The following SLC10A3 variants were observed in gnomAD, a reference collection of about 807,000 sequenced individuals.
SLC10A3 encodes solute carrier family 10 member 3.
SLC10A3 carries 1 observed loss-of-function variant against 1.9 expected under a neutral mutation model. The observed-to-expected ratio is 0.52, with a 90% CI of 0.19 to 2.48. The LOEUF is 2.48. Among genes scored for constraint, SLC10A3 ranks in the 30% most tolerant of loss-of-function variants. SLC10A3 has a pLI of 0.25. For synonymous variants in SLC10A3, 202 were observed against 189.3 expected (o/e 1.07, Z -0.55); for missense variants, 317 against 398.5 (o/e 0.80, Z 1.74).
In SLC10A3 at chrX:154,487,918, C is replaced by G; in HGVS notation, c.1023G>C (p.Lys341Asn). The change falls in exon 2 of 2, where the codon AAG (lysine) becomes AAC (asparagine). Residue 341 changes from lysine (K) to asparagine (N), a missense_variant. By Grantham distance (94) the Lys-to-Asn change is moderately conservative (BLOSUM62 0). Coordinates refer to ENST00000651600, the MANE Select transcript of SLC10A3 (RefSeq NM_019848.5). ...GCTGGGAGAACTTGGGGAGCTTGGACTTGATCAGCACGCCCACGGCTATGG... is the reference window on the plus strand; with the variant it reads ...GCTGGGAGAACTTGGGGAGCTTGGAGTTGATCAGCACGCCCACGGCTATGG... ...AIPIAVGVLIKSKLPKFSQLL... is the reference protein window; with the variant it reads ...AIPIAVGVLINSKLPKFSQLL... The G allele has an allele frequency of 1.7e-6, 2 of 1,211,645 alleles. No homozygotes were observed. Among genetic ancestry groups the G allele is most frequent in the Non-Finnish European group, 2.2e-6 (2 of 895,602 alleles).
chrX:154,487,867 G>A lies in SLC10A3; in HGVS notation c.1074C>T (p.Phe358=), dbSNP rs782562525. Residue 358 remains phenylalanine (F), a synonymous_variant, in exon 2 of 2, where the codon TTC becomes TTT. Transcript: ENST00000651600. ...GGCCGCCCAGGAGGAGCACAAAGCT[G>A]AAGGGCTTGACGACCTGCAGCAGCA... The part of the protein sequence containing the change: ...SQLLLQVVKP[F]SFVLLLGGLF... 2.5e-6 allele frequency: 3 copies of A among 1,211,604 alleles called. No homozygotes were observed. Among genetic ancestry groups the A allele is most frequent in the Non-Finnish European group, 3.3e-6 (3 of 895,618 alleles).
Position 154,487,954 on chromosome X carries a change from G to A in SLC10A3, c.987C>T (p.Phe329=). The A allele has an allele frequency of 1.7e-6, 2 of 1,211,602 alleles. No homozygotes were observed. Among genetic ancestry groups the A allele is most frequent in the Non-Finnish European group, 2.2e-6 (2 of 895,446 alleles). Residue 329 remains phenylalanine (F), a synonymous_variant, in exon 2 of 2, where the codon TTC becomes TTT. Transcript: ENST00000651600. ...CGCCCACGGCTATGGGGATGGCAATGAACAGCAGGGTCCCCAGGATCTTGG... is the reference window on the plus strand; with the variant it reads ...CGCCCACGGCTATGGGGATGGCAATAAACAGCAGGGTCCCCAGGATCTTGG... ...PISKILGTLL[F]IAIPIAVGVL... is the part of the protein sequence containing the mutation.
intron 1 of SLC10A3, 52 bp downstream of exon 1, chrX:154,490,255 A>C: frequency 1.2e-6 from 1 of 855,637 alleles, no homozygotes; most frequent in Non-Finnish European, 1.4e-6. Flanking sequence ...GCCCTTCCAA[A>C]ACGGCCAAGT....
At position 154,490,497 on chromosome X, in the gene SLC10A3, C is replaced by A; in HGVS notation, c.-333G>T. On this transcript the variant is annotated 5_prime_UTR_variant, in exon 1 of 2. Coordinates refer to ENST00000651600, the MANE Select transcript of SLC10A3 (RefSeq NM_019848.5). ...AGGCCTCGCAAACGCGCGGCGGCGG[C>A]GGCGGCCCTTCCCTGCCAGGCCCGG... 5.4e-6 allele frequency: 2 copies of A among 368,657 alleles called. No individual in the cohort carries two copies. Among genetic ancestry groups the A allele is most frequent in the Non-Finnish European group, 7.0e-6 (2 of 286,898 alleles). The allele number at this position is 368,657 out of a possible 1,213,427, so 30.4% of individuals were successfully genotyped here. A position where few individuals can be genotyped will look rare whatever the true frequency, so the allele number is the denominator to read the frequency against.
chrX:154,487,428 G>T lies in SLC10A3; in HGVS notation c.*79C>A, dbSNP rs2069313342. ...AAAATCAGTAAAAAAAATAAGCCTGGATTTTTCTGAGTGCATAGTGCATGA... is the reference window on the plus strand; with the variant it reads ...AAAATCAGTAAAAAAAATAAGCCTGTATTTTTCTGAGTGCATAGTGCATGA... On this transcript the variant is annotated 3_prime_UTR_variant, in exon 2 of 2. Transcript: ENST00000651600. 1 of 1,117,670 alleles carries T rather than the reference G, an allele frequency of 8.9e-7. No individual in the cohort carries two copies. Among genetic ancestry groups the T allele is most frequent in the African/African-American group, 1.8e-5 (1 of 54,647 alleles). 92.1% of individuals were successfully genotyped at this position (1,117,670 alleles called of 1,213,427 possible). A position where few individuals can be genotyped will look rare whatever the true frequency, so the allele number is the denominator to read the frequency against.
Position 154,488,964 on chromosome X carries a change from C to T in SLC10A3, c.-24G>A, listed in dbSNP as rs188873885. ...ATGGCTCTTCCTGGAGGACGGATGG[C>T]GTGCCCAGGCCCTCTGCGGCTTAGG... On this transcript the variant is annotated 5_prime_UTR_variant, in exon 2 of 2. Coordinates refer to ENST00000651600, the MANE Select transcript of SLC10A3 (RefSeq NM_019848.5). The T allele has an allele frequency of 3.1e-3, 3,713 of 1,185,764 alleles. 24 individuals are homozygous for T. Among genetic ancestry groups the T allele is most frequent in the Non-Finnish European group, 2.7e-3 (2,401 of 882,604 alleles).
rs1557213659 is a variant in SLC10A3, at chrX:154,488,241, A to G, written c.700T>C (p.Phe234Leu). 8.3e-7 allele frequency: 1 copy of G among 1,210,951 alleles called. No homozygotes were observed. The highest frequency in any genetic ancestry group is 1.1e-6 in the Non-Finnish European group (1 of 895,299). The part of the protein sequence containing the change: ...QPMLLGLLGQ[F>L]LVMPLYAFLM... ...AAAGCGTACAAGGGCATGACCAGAA[A>G]CTGGCCCAGGAGGCCCAGCAGCATG... The change falls in exon 2 of 2, where the codon TTT becomes CTT. Residue 234 changes from phenylalanine (F) to leucine (L), a missense_variant. Transcript: ENST00000651600.
chrX:154,487,344 G>C lies in SLC10A3; in HGVS notation c.*163C>G. 1.6e-6 allele frequency: 1 copy of C among 626,123 alleles called. No homozygotes were observed. Among genetic ancestry groups the C allele is most frequent in the Non-Finnish European group, 2.4e-6 (1 of 411,426 alleles). 51.6% of individuals were successfully genotyped at this position (626,123 alleles called of 1,213,427 possible). On this transcript the variant is annotated 3_prime_UTR_variant, in exon 2 of 2. Transcript: ENST00000651600. ...CTCTTTTATTGAAATATATTTTCTGGGCAGCGCCCACCTACCTAACTCAGC... is the reference window on the plus strand; with the variant it reads ...CTCTTTTATTGAAATATATTTTCTGCGCAGCGCCCACCTACCTAACTCAGC...
chrX:154,489,740 C>T (rs1409845622), intron 1 of SLC10A3: 2 of 752,338 alleles, frequency 2.7e-6, no homozygotes, highest in South Asian at 6.8e-5. Context: ...GCCTCATGCA[C>T]TGTTGTGTCC....
Position 154,488,277 on chromosome X carries a change from T to C in SLC10A3, c.664A>G (p.Ser222Gly). ...ELEVLKGLMQ[S>G]PQPMLLGLLG... ...AGGCCCAGCAGCATGGGCTGGGGGC[T>C]CTGCATGAGCCCCTTCAGAACCTCG... Residue 222 changes from serine (S) to glycine (G), a missense_variant, in exon 2 of 2, where the codon AGC (serine) becomes GGC (glycine). Coordinates refer to ENST00000651600, the MANE Select transcript of SLC10A3 (RefSeq NM_019848.5). 8.3e-7 allele frequency: 1 copy of C among 1,211,068 alleles called. No individual in the cohort carries two copies. Among genetic ancestry groups the C allele is most frequent in the East Asian group, 3.0e-5 (1 of 33,841 alleles).
At position 154,488,018 on chromosome X, in the gene SLC10A3, C is replaced by T. The variant is rs2069326836; in HGVS notation, c.923G>A (p.Arg308His). 3 of 1,211,270 alleles carry T rather than the reference C, an allele frequency of 2.5e-6. No homozygotes were observed. Among genetic ancestry groups the T allele is most frequent in the South Asian group, 1.8e-5 (1 of 56,981 alleles). The part of the protein sequence containing the change: ...FLPLSSAIYS[R>H]LLSIHETLHV... ...GAGCGTCTCATGGATGCTGAGCAGGCGGCTGTAGATGGCCGAAGACAGAGG... is the reference window on the plus strand; with the variant it reads ...GAGCGTCTCATGGATGCTGAGCAGGTGGCTGTAGATGGCCGAAGACAGAGG... The change falls in exon 2 of 2, where the codon CGC becomes CAC. Residue 308 changes from arginine (R) to histidine (H), a missense_variant. Coordinates refer to ENST00000651600, the MANE Select transcript of SLC10A3 (RefSeq NM_019848.5).
Position 154,490,503 on chromosome X carries a change from C to CGGCGG in SLC10A3, c.-340_-339insCCGCC. ...CGCAAACGCGCGGCGGCGGCGGCGG[C>CGGCGG]CCTTCCCTGCCAGGCCCGGCCGGGC... On this transcript the variant is annotated 5_prime_UTR_variant, in exon 1 of 2. Transcript: ENST00000651600. 3.1e-6 allele frequency: 1 copy of CGGCGG among 318,300 alleles called. No individual in the cohort carries two copies. Among genetic ancestry groups the CGGCGG allele is most frequent in the Non-Finnish European group, 4.2e-6 (1 of 240,668 alleles). 26.2% of individuals were successfully genotyped at this position (318,300 alleles called of 1,213,427 possible).
Position 154,488,493 on chromosome X carries a change from C to T in SLC10A3, c.448G>A (p.Val150Met), listed in dbSNP as rs782173483. The change falls in exon 2 of 2, where the codon GTG becomes ATG. Residue 150 changes from valine (V) to methionine (M), a missense_variant. Transcript: ENST00000651600. ...GTGGGCGGGGCCTCATGGGCGTCCACGAGCTGGATGTGGAGTGGGGCCAGC... is the reference window on the plus strand; with the variant it reads ...GTGGGCGGGGCCTCATGGGCGTCCATGAGCTGGATGTGGAGTGGGGCCAGC... ...AGLAPLHIQL[V>M]DAHEAPPTLI... is the part of the protein sequence containing the mutation. The T allele has an allele frequency of 3.3e-6, 4 of 1,208,521 alleles. No homozygotes were observed. The African/African-American group carries it at 7.0e-5, about 21-fold the overall frequency.
In SLC10A3 at chrX:154,490,349, G is replaced by C. The variant is rs1161352128; in HGVS notation, c.-185C>G. On this transcript the variant is annotated 5_prime_UTR_variant, in exon 1 of 2. Transcript: ENST00000651600. The stretch of plus-strand genomic sequence containing the variant: ...GTCGGACGGGTGGCTAGCAGAGCTC[G>C]GGCGCGAACCTGGGAGGGAGGAAAG... 46 of 764,731 alleles carry C rather than the reference G, an allele frequency of 6.0e-5. No individual in the cohort carries two copies. Among genetic ancestry groups the C allele is most frequent in the Admixed American group, 8.4e-5 (1 of 11,836 alleles). 63.0% of individuals were successfully genotyped at this position (764,731 alleles called of 1,213,427 possible). A position where few individuals can be genotyped will look rare whatever the true frequency, so the allele number is the denominator to read the frequency against.
intron 1 of SLC10A3, chrX:154,489,567 T>TA: frequency 1.3e-6 from 1 of 754,337 alleles, no homozygotes; most frequent in Non-Finnish European, 1.6e-6. Context: ...CATGCGCCCC[T>TA]ACCAGAGCCT....
In SLC10A3 at chrX:154,488,290, C is replaced by T. The variant is rs1569555105; in HGVS notation, c.651G>A (p.Lys217=). ...TGGGCTGGGGGCTCTGCATGAGCCC[C>T]TTCAGAACCTCGAGTTCCACTTTGC... ...FGCKVELEVL[K]GLMQSPQPML... is the part of the protein sequence containing the mutation. The change falls in exon 2 of 2, where the codon AAG becomes AAA. Residue 217 remains lysine (K), a synonymous_variant. Coordinates refer to ENST00000651600, the MANE Select transcript of SLC10A3 (RefSeq NM_019848.5). 3.3e-6 allele frequency: 4 copies of T among 1,211,365 alleles called. No homozygotes were observed. Among genetic ancestry groups the T allele is most frequent in the Non-Finnish European group, 4.5e-6 (4 of 895,373 alleles).
In SLC10A3 at chrX:154,487,584, C is replaced by T; in HGVS notation, c.1357G>A (p.Ala453Thr). The change falls in exon 2 of 2, where the codon GCG (alanine) becomes ACG (threonine). Residue 453 changes from alanine (A) to threonine (T), a missense_variant. Physicochemically the swap from Ala to Thr is moderately conservative, Grantham distance 58. Transcript: ENST00000651600. Reference sequence around the variant, plus strand: ...AGCATCTCGGAGGTGCCGCTCAGCGCCACAATGAAGGGGGCCTGGGAGGCA... The same window carrying T: ...AGCATCTCGGAGGTGCCGCTCAGCGTCACAATGAAGGGGGCCTGGGAGGCA... Reference protein sequence around the residue: ...DYASQAPFIVALSGTSEMLAL... With the variant: ...DYASQAPFIVTLSGTSEMLAL... 8.3e-7 allele frequency: 1 copy of T among 1,210,385 alleles called. No homozygotes were observed. The highest frequency in any genetic ancestry group is 1.1e-6 in the Non-Finnish European group (1 of 895,128).
rs903389153 is a variant in SLC10A3, at chrX:154,490,282, A to G, written c.-143+25T>C. ...CGGCCAAGTGTTCGGGGTAACTGGC[A>G]GTGCTAACAGGGGCTCCTCCCTACC... On this transcript the variant is annotated intron_variant, in intron 1 of 1. Transcript: ENST00000651600. 71 of 818,664 alleles carry G rather than the reference A, an allele frequency of 8.7e-5. No homozygotes were observed. The African/African-American group carries it at 1.5e-3, about 17-fold the overall frequency. 67.5% of individuals were successfully genotyped at this position (818,664 alleles called of 1,213,427 possible).
chrX:154,490,046 G>T (rs1557214313), intron 1 of SLC10A3: 1 of 998,201 alleles, frequency 1.0e-6, no homozygotes, highest in East Asian at 4.0e-5. Context: ...AAGGCACCAG[G>T]ACTGAAGCCA....
Sources: allele counts gnomAD v4.1 joint callset, GRCh38; gene constraint gnomAD v4.1.1; transcripts MANE v1.5; gene names NCBI Gene and HGNC (gene_info 2026-07-23, HGNC 2026-07-21).